Variants in PHF24 observed in about 807,000 individuals in gnomAD.
PHF24 encodes PHD finger protein 24.
PHF24 carries 25 observed loss-of-function variants against 42.6 expected under a neutral mutation model. The ratio of observed to expected loss-of-function variants is 0.59; its 90% CI spans 0.43 to 0.82. The LOEUF (loss-of-function observed/expected upper bound fraction) is 0.82, where lower values mean the gene tolerates loss of function less well. Ranked by LOEUF, PHF24 falls within the 40% of genes least tolerant of loss-of-function variation. The pLI, the probability that PHF24 is intolerant of heterozygous loss-of-function variation, is 0.00. For synonymous variants in PHF24, 185 were observed against 204.8 expected, an observed-to-expected ratio of 0.90 and a Z score of 0.83; for missense variants, 470 against 538.1, an observed-to-expected ratio of 0.87 and a Z score of 1.25.
chr9:34,947,839 T>A, the PHF24 span, among the ~76,000 whole-genome samples: 1 of 152,276 alleles, frequency 6.6e-6, no homozygotes, highest in East Asian at 1.9e-4. Context: ...CTGGGCGCGG[T>A]GGCTCACACC....
chr9:34,752,010 T>A, the PHF24 span, among the ~76,000 whole-genome samples: 2 of 151,898 alleles, frequency 1.3e-5, no homozygotes, highest in East Asian at 3.8e-4. Context: ...CAAATGATAA[T>A]GGAAACACAA....
At chr9:34,767,175 A>C in the PHF24 span, among the ~76,000 whole-genome samples, 1 of 152,238 alleles carries the variant, frequency 6.6e-6, no homozygotes, top group Non-Finnish European at 1.5e-5. Context: ...TTGAGGAGGC[A>C]GTCTGCCCGT....
At chr9:34,786,408 C>T in the PHF24 span, among the ~76,000 whole-genome samples, 2 of 152,170 alleles carry the variant, frequency 1.3e-5, no homozygotes, top group Non-Finnish European at 2.9e-5. Context: ...TATATCCCCT[C>T]TTTATTTTCT....
the PHF24 span, among the ~76,000 whole-genome samples, chr9:34,795,031 A>G: frequency 6.6e-6 from 1 of 152,144 alleles, no homozygotes; most frequent in African/African-American, 2.4e-5. Context: ...GCCACATAAT[A>G]ACTAAAGGTT....
rs779158846 is a variant in PHF24, at chr9:34,972,315, A to T, written c.379-31A>T. The T allele has an allele frequency of 1.7e-5, 26 of 1,562,850 alleles. No individual in the cohort carries two copies. In the African/African-American group the frequency reaches 3.0e-4, roughly 18 times the overall value. On this transcript the variant is annotated intron_variant, in intron 2 of 7. Coordinates refer to ENST00000242315, the Ensembl canonical transcript of PHF24. ...GGAATCTTGCTGCCTACATTTACAC[A>T]TCCCTGTTTCCTCCTGCCATCTTTC...
chr9:34,825,591 A>G, the PHF24 span, among the ~76,000 whole-genome samples: 1 of 134,754 alleles, frequency 7.4e-6, no homozygotes, highest in African/African-American at 3.9e-5. Context: ...TTGCTCGAGC[A>G]TGTCTGATGC....
chr9:34,717,214 A>G, the PHF24 span, among the ~76,000 whole-genome samples: 1 of 151,914 alleles, frequency 6.6e-6, no homozygotes, highest in African/African-American at 2.4e-5. Flanking sequence ...TATGATTTAG[A>G]GTTTTCTTTG....
At chr9:34,911,800 A>G in the PHF24 span, among the ~76,000 whole-genome samples, 4 of 152,332 alleles carry the variant, frequency 2.6e-5, no homozygotes, top group East Asian at 3.9e-4. Context: ...GAAAAATACA[A>G]GAAACAACTA....
At chr9:34,759,739 C>T in the PHF24 span, among the ~76,000 whole-genome samples, 1 of 152,194 alleles carries the variant, frequency 6.6e-6, no homozygotes, top group Non-Finnish European at 1.5e-5. Flanking sequence ...CGGTGCACTA[C>T]TTACCTCACA....
the PHF24 span, among the ~76,000 whole-genome samples, chr9:34,823,766 G>A: frequency 1.3e-5 from 2 of 152,178 alleles, no homozygotes; most frequent in African/African-American, 2.4e-5. Context: ...GTCTGTGGGC[G>A]AACCTGGAAG....
chr9:34,683,057 C>A, the PHF24 span, among the ~76,000 whole-genome samples: 6 of 82,012 alleles, frequency 7.3e-5, no homozygotes, highest in Non-Finnish European at 1.4e-4. Flanking sequence ...TACTTTCTTT[C>A]TTTCTCTCTT....
the PHF24 span, among the ~76,000 whole-genome samples, chr9:34,760,106 T>A: frequency 6.6e-6 from 1 of 152,166 alleles, no homozygotes; most frequent in Non-Finnish European, 1.5e-5. Flanking sequence ...ACGACGGGGA[T>A]GAAGTACACG....
chr9:34,956,651 A>T (rs1826380669), upstream of PHF24, among the ~76,000 whole-genome samples: 1 of 152,262 alleles, frequency 6.6e-6, no homozygotes, highest in Non-Finnish European at 1.5e-5. Context: ...CAGACAGCCT[A>T]GAAATAAAAC....
upstream of PHF24, among the ~76,000 whole-genome samples, chr9:34,956,051 T>C (rs1306897954): frequency 6.6e-6 from 1 of 152,230 alleles, no homozygotes; most frequent in Admixed American, 6.5e-5. Flanking sequence ...CTTCATAAAG[T>C]AATCTGTCTC....
the PHF24 span, chr9:34,895,480 CCCTTT>C: frequency 2.5e-6 from 1 of 397,888 alleles, no homozygotes; most frequent in Non-Finnish European, 4.4e-6. Context: ...GTGAGGAGAC[CCCTTT>C]AAAAAGCAAG....
the PHF24 span, among the ~76,000 whole-genome samples, chr9:34,788,078 C>T: frequency 6.6e-6 from 1 of 152,124 alleles, no homozygotes; most frequent in South Asian, 2.1e-4. Flanking sequence ...CCCTCTGTTG[C>T]CCAGGCTGGA....
the PHF24 span, among the ~76,000 whole-genome samples, chr9:34,923,590 T>C: frequency 6.6e-6 from 1 of 152,190 alleles, no homozygotes; most frequent in Non-Finnish European, 1.5e-5. Flanking sequence ...CTGCTTCTTC[T>C]AGGTTTTTCA....
chr9:34,911,126 T>TTTTGTCTAA, the PHF24 span, among the ~76,000 whole-genome samples: 1 of 152,148 alleles, frequency 6.6e-6, no homozygotes, highest in East Asian at 1.9e-4. Context: ...GCCCAGCCTA[T>TTTTGTCTAA]TTTGTCTAAT....
chr9:34,783,530 C>G, the PHF24 span, among the ~76,000 whole-genome samples: 1 of 152,160 alleles, frequency 6.6e-6, no homozygotes, highest in Non-Finnish European at 1.5e-5. Context: ...TGCACTCACC[C>G]CTGCTCTGAC....
Sources: gnomAD v4.1 joint callset for allele counts (sites outside exome capture counted in the v4.1 genomes callset) on GRCh38, gnomAD v4.1.1 for gene constraint, MANE v1.5 for transcripts, NCBI Gene and HGNC (gene_info 2026-07-23, HGNC 2026-07-21) for gene names.